SPAG17: variants seen among roughly 807,000 people sequenced by gnomAD.
SPAG17 encodes the protein sperm-associated antigen 17.
A neutral mutation model predicts 273.6 loss-of-function variants in SPAG17; 169 were observed. The observed-to-expected ratio is 0.62, with a 90% CI of 0.55 to 0.70. The LOEUF is 0.70. SPAG17 is among the 30% of genes least tolerant of loss of function. The pLI is 0.00. For synonymous variants in SPAG17, 825 were observed against 873.2 expected (o/e 0.94, Z 0.97); for missense variants, 2,557 against 2,627.8 (o/e 0.97, Z 0.59).
intron 18 of SPAG17, among the ~76,000 whole-genome samples, chr1:118,064,564 C>T (rs1284306959): frequency 1.6e-5 from 2 of 125,436 alleles, no homozygotes; most frequent in South Asian, 2.6e-4. Context: ...GGAAGGGGAA[C>T]ATCACACTTT....
chr1:118,074,088 AAATC>A, intron 16 of SPAG17, 121 bp from the exon 17 acceptor site: 3 of 659,816 alleles, frequency 4.5e-6, no homozygotes, highest in Non-Finnish European at 7.6e-6. Context: ...GCATATGTAT[AAATC>A]CATATGGCAA....
Position 118,120,010 on chromosome 1 carries a change from T to C in SPAG17, c.316-4569A>G, listed in dbSNP as rs533532224. 1.2e-4 allele frequency among the ~76,000 whole-genome samples: 19 copies of C among 152,336 alleles called. No individual in the cohort carries two copies. In the East Asian group the frequency reaches 2.5e-3, roughly 20 times the overall value. ...GCTCATTTATTTAACTAGCTCCCCA[T>C]TGACAGACATTTAAACAATTTCAGT... On this transcript the variant is annotated intron_variant, in intron 3 of 48. Transcript: ENST00000336338.
At chr1:118,085,538 G>GCGCACACACA (rs553795598) in intron 13 of SPAG17, among the ~76,000 whole-genome samples, 4 of 149,604 alleles carry the variant, frequency 2.7e-5, no homozygotes, top group African/African-American at 9.8e-5. Context: ...GTGCGCGCGC[G>GCGCACACACA]CACACACACA....
Position 118,055,909 on chromosome 1 carries a change from T to C in SPAG17, c.2546A>G (p.Tyr849Cys). 6.2e-7 allele frequency: 1 copy of C among 1,605,512 alleles called. No homozygotes were observed. The highest frequency in any genetic ancestry group is 8.5e-7 in the Non-Finnish European group (1 of 1,177,536). Residue 849 changes from tyrosine (Y) to cysteine (C), a missense_variant, in exon 19 of 49, where the codon TAT (tyrosine) becomes TGT (cysteine). Coordinates refer to ENST00000336338, the MANE Select transcript of SPAG17 (RefSeq NM_206996.4). ...ALHSNVGFRNYLELVAKSIQD... is the reference protein window; with the variant it reads ...ALHSNVGFRNCLELVAKSIQD... ...AATAGATTTTGCAACAAGTTCCAAA[T>C]AATTCCTAAACAAACCAATAGCAGA...
At chr1:118,027,331 C>T (rs189081419) in intron 26 of SPAG17, among the ~76,000 whole-genome samples, 114 of 152,060 alleles carry the variant, frequency 7.5e-4, no homozygotes, top group Non-Finnish European at 1.1e-3. Flanking sequence ...TGCTTTTTTG[C>T]GGGGGAGGGA....
At chr1:118,128,067 G>C (rs1657838363) in intron 3 of SPAG17, among the ~76,000 whole-genome samples, 1 of 151,820 alleles carries the variant, frequency 6.6e-6, no homozygotes, top group South Asian at 2.1e-4. Flanking sequence ...TGTTGCAGTG[G>C]GCCAAGACCG....
In SPAG17 at chr1:118,087,008, C is replaced by T. The variant is rs1265331080; in HGVS notation, c.1360G>A (p.Val454Ile). 2 of 1,560,058 alleles carry T rather than the reference C, an allele frequency of 1.3e-6. No individual in the cohort carries two copies. Among genetic ancestry groups the T allele is most frequent in the Admixed American group, 2.1e-5 (1 of 46,534 alleles). ...ACGAGATCTTCTTCAGTTGCAACAA[C>T]CTGTTGAAATCAACAATGAGAGGAA... is the stretch of plus-strand genomic sequence containing the variant. ...PLILHCMLEQ[V>I]VATEEDLVPP... Residue 454 changes from valine to isoleucine, a missense_variant and splice_region_variant, in exon 11 of 49, where the codon GTT (valine) becomes ATT (isoleucine). Physicochemically the swap from Val to Ile is conservative, Grantham distance 29. Transcript: ENST00000336338.
At chr1:118,151,599 T>A (rs2102350976) in intron 1 of SPAG17, among the ~76,000 whole-genome samples, 1 of 152,362 alleles carries the variant, frequency 6.6e-6, no homozygotes, top group Non-Finnish European at 1.5e-5. Context: ...CTAGTCCTTT[T>A]ATTTTGAGGA....
At chr1:118,087,048 C>A (rs200963713) in intron 10 of SPAG17, 40 bp from the exon 11 acceptor site, 1 of 1,524,112 alleles carries the variant, frequency 6.6e-7, no homozygotes, top group South Asian at 1.3e-5. Context: ...TGTAAGGGTC[C>A]GCTCTTTAGT....
At chr1:118,163,094 G>A (rs1660005173) in intron 1 of SPAG17, among the ~76,000 whole-genome samples, 1 of 152,104 alleles carries the variant, frequency 6.6e-6, no homozygotes, top group Admixed American at 6.5e-5. Context: ...TAATTTTACA[G>A]GTTTATTTCA....
intron 3 of SPAG17, among the ~76,000 whole-genome samples, chr1:118,134,603 C>T (rs915919524): frequency 2.0e-5 from 3 of 152,194 alleles, no homozygotes; most frequent in Non-Finnish European, 1.5e-5. Context: ...AACATCTTTG[C>T]CTAGCATATT....
At chr1:118,147,338 C>T (rs1422618481) in intron 3 of SPAG17, among the ~76,000 whole-genome samples, 6 of 152,162 alleles carry the variant, frequency 3.9e-5, no homozygotes, top group Admixed American at 6.5e-5. Flanking sequence ...TCAAATGTGT[C>T]CATATCCTCA....
chr1:118,059,034 C>T (rs1052684257), intron 18 of SPAG17, among the ~76,000 whole-genome samples: 1 of 152,106 alleles, frequency 6.6e-6, no homozygotes, highest in Non-Finnish European at 1.5e-5. Context: ...CTTGAGAATA[C>T]TCTGTTTAAT....
chr1:117,959,857 A>G (rs1652790244), intron 48 of SPAG17: 1 of 153,794 alleles, frequency 6.5e-6, no homozygotes, highest in Non-Finnish European at 1.4e-5. Flanking sequence ...TTTACTGCCT[A>G]TTGAGACAAC....
intron 44 of SPAG17, among the ~76,000 whole-genome samples, chr1:117,972,923 TGA>T (rs1425874426): frequency 6.6e-6 from 1 of 152,160 alleles, no homozygotes; most frequent in Non-Finnish European, 1.5e-5. Flanking sequence ...TGAATTATAG[TGA>T]GTTTGACTCA....
At chr1:117,977,155 CA>C (rs5777331) in intron 43 of SPAG17, among the ~76,000 whole-genome samples, 68,359 of 140,982 alleles carry the variant, frequency 0.48, 16,262 homozygotes, top group East Asian at 0.58. Flanking sequence ...ACTAAAAATA[CA>C]AAAAAAAAAA....
intron 3 of SPAG17, among the ~76,000 whole-genome samples, chr1:118,124,568 A>G (rs536214300): frequency 6.6e-6 from 1 of 152,342 alleles, no homozygotes; most frequent in South Asian, 2.1e-4. Context: ...TATAGCTGCA[A>G]TTACAAAGCT....
At position 117,966,648 on chromosome 1, in the gene SPAG17, T is replaced by C. The variant is rs766980154; in HGVS notation, c.6493A>G (p.Met2165Val). 9.3e-6 allele frequency: 15 copies of C among 1,613,720 alleles called. No homozygotes were observed. The highest frequency in any genetic ancestry group is 1.2e-5 in the Non-Finnish European group (14 of 1,179,922). The change falls in exon 47 of 49, where the codon ATG (methionine) becomes GTG (valine). Residue 2165 changes from methionine (M) to valine (V), a missense_variant. Physicochemically the swap from Met to Val is conservative, Grantham distance 21 (BLOSUM62 1). Coordinates refer to ENST00000336338, the MANE Select transcript of SPAG17 (RefSeq NM_206996.4). Reference sequence around the variant, plus strand: ...AGGAACAGAACCTCATGCTCTGTCATAATCTCGATATTGTGAGAGATGTGT... The same window carrying C: ...AGGAACAGAACCTCATGCTCTGTCACAATCTCGATATTGTGAGAGATGTGT... ...SAHISHNIEI[M>V]TEHEVLFLPV...
intron 38 of SPAG17, among the ~76,000 whole-genome samples, chr1:117,990,580 CTAACA>C (rs1656967179): frequency 6.6e-6 from 1 of 152,064 alleles, no homozygotes; most frequent in Non-Finnish European, 1.5e-5. Flanking sequence ...ATAGTTGAGG[CTAACA>C]TAAAAGTCAA....
Sources: allele counts gnomAD v4.1 joint callset (sites outside exome capture counted in the v4.1 genomes callset), GRCh38; gene constraint gnomAD v4.1.1; transcripts MANE v1.5; gene names NCBI Gene and HGNC (gene_info 2026-07-23, HGNC 2026-07-21).